The following H1-6 variants were observed in gnomAD, a reference collection of about 807,000 sequenced individuals.
H1-6 encodes H1.6 linker histone, cluster member.
For missense variants in H1-6, 538 were observed against 246.5 expected, an observed-to-expected ratio of 2.18 and a Z score of -7.92; for synonymous variants, 225 against 100.1, an observed-to-expected ratio of 2.25 and a Z score of -7.45.
Position 26,107,792 on chromosome 6 carries a change from C to G in H1-6, c.302G>C (p.Arg101Thr), listed in dbSNP as rs1325634186. 2 of 1,614,206 alleles carry G rather than the reference C, an allele frequency of 1.2e-6. No individual in the cohort carries two copies. The highest frequency in any genetic ancestry group is 1.3e-5 in the African/African-American group (1 of 75,048). The stretch of plus-strand genomic sequence containing the variant: ...AAAGGAACCGGAAGCACCAGTACCC[C>G]TGGTTTGCACCAGGATTCCCTTGTT... ...LVNKGILVQTRGTGASGSFKL... is the reference protein window; with the variant it reads ...LVNKGILVQTTGTGASGSFKL... Residue 101 changes from arginine (R) to threonine (T), a missense_variant, in exon 1 of 1, where the codon AGG becomes ACG. Transcript: ENST00000338379.
At position 26,107,595 on chromosome 6, in the gene H1-6, C is replaced by A. The variant is rs147889373; in HGVS notation, c.499G>T (p.Gly167Trp). The A allele has an allele frequency of 7.4e-6, 12 of 1,614,032 alleles. No homozygotes were observed. Among genetic ancestry groups the A allele is most frequent in the Admixed American group, 1.7e-5 (1 of 60,000 alleles). ...CCCTTGGCTCCTTTAGCCTTTCTCCCGCTCCTAACAGTTTTAGGAGTTGTC... is the reference window on the plus strand; with the variant it reads ...CCCTTGGCTCCTTTAGCCTTTCTCCAGCTCCTAACAGTTTTAGGAGTTGTC... ...RATTPKTVRS[G>W]RKAKGAKGKQ... The change falls in exon 1 of 1, where the codon GGG (glycine) becomes TGG (tryptophan). Residue 167 changes from glycine (G) to tryptophan (W), a missense_variant. Gly to Trp is a radical substitution (Grantham distance 184). Transcript: ENST00000338379.
rs151043274 is a variant in H1-6 at position 26,108,072 on chromosome 6, C to G, written c.22G>C (p.Ala8Pro). The change falls in exon 1 of 1, where the codon GCT becomes CCT. Residue 8 changes from alanine (A) to proline (P), a missense_variant. Coordinates refer to ENST00000338379, the MANE Select transcript of H1-6 (RefSeq NM_005323.4). MSETVPAASASAGVAAME... is the reference protein window; with the variant it reads MSETVPAPSASAGVAAME... ...GCGGCTACACCAGCACTGGCAGAAG[C>G]TGCAGGCACGGTTTCAGACATAACA... 1 of 1,614,098 alleles carries G rather than the reference C, an allele frequency of 6.2e-7. No individual in the cohort carries two copies.
chr6:26,107,551 G>A lies in H1-6; in HGVS notation c.543C>T (p.Ser181=). The change falls in exon 1 of 1, where the codon AGC becomes AGT. Residue 181 remains serine (S), a synonymous_variant. Coordinates refer to ENST00000338379, the MANE Select transcript of H1-6 (RefSeq NM_005323.4). ...ACTTCGAAGCCCTTGCCTTCACTGGGCTCTTCTGCTGTTGCTTACCCTTGG... is the reference window on the plus strand; with the variant it reads ...ACTTCGAAGCCCTTGCCTTCACTGGACTCTTCTGCTGTTGCTTACCCTTGG... ...KGAKGKQQQK[S]PVKARASKSK... is the part of the protein sequence containing the mutation. 3.7e-6 allele frequency: 6 copies of A among 1,613,864 alleles called. No homozygotes were observed. Among genetic ancestry groups the A allele is most frequent in the Non-Finnish European group, 3.4e-6 (4 of 1,179,868 alleles).
In H1-6 at chr6:26,107,745, G is replaced by T. The variant is rs376395612; in HGVS notation, c.349C>A (p.Pro117Thr). Reference protein sequence around the residue: ...GSFKLSKKVIPKSTRSKAKKS... With the variant: ...GSFKLSKKVITKSTRSKAKKS... Reference sequence around the variant, plus strand: ...TTAGCCTTGCTTCTGGTAGATTTAGGAATCACCTTCTTACTAAGCTTAAAG... The same window carrying T: ...TTAGCCTTGCTTCTGGTAGATTTAGTAATCACCTTCTTACTAAGCTTAAAG... Residue 117 changes from proline to threonine, a missense_variant, in exon 1 of 1, where the codon CCT (proline) becomes ACT (threonine). Coordinates refer to ENST00000338379, the MANE Select transcript of H1-6 (RefSeq NM_005323.4). The T allele has an allele frequency of 6.2e-6, 10 of 1,614,176 alleles. No individual in the cohort carries two copies. The highest frequency in any genetic ancestry group is 1.6e-4 in the Middle Eastern group (1 of 6,062).
In H1-6 at chr6:26,107,909, G is replaced by C; in HGVS notation, c.185C>G (p.Ser62Cys). Residue 62 changes from serine to cysteine, a missense_variant, in exon 1 of 1, where the codon TCT (serine) becomes TGT (cysteine). Coordinates refer to ENST00000338379, the MANE Select transcript of H1-6 (RefSeq NM_005323.4). Reference sequence around the variant, plus strand: ...CAATGCCTTCTTGAGCGCAACCAAAGACATACCTACTCGTTCCTGTGACAC... The same window carrying C: ...CAATGCCTTCTTGAGCGCAACCAAACACATACCTACTCGTTCCTGTGACAC... ...LSVSQERVGMSLVALKKALAA... is the reference protein window; with the variant it reads ...LSVSQERVGMCLVALKKALAA... 6.2e-7 allele frequency: 1 copy of C among 1,614,218 alleles called. No homozygotes were observed. Among genetic ancestry groups the C allele is most frequent in the Non-Finnish European group, 8.5e-7 (1 of 1,180,034 alleles).
chr6:26,107,774 C>G lies in H1-6; in HGVS notation c.320G>C (p.Gly107Ala). 6.2e-7 allele frequency: 1 copy of G among 1,614,200 alleles called. No homozygotes were observed. Among genetic ancestry groups the G allele is most frequent in the Non-Finnish European group, 8.5e-7 (1 of 1,180,036 alleles). ...CACCTTCTTACTAAGCTTAAAGGAA[C>G]CGGAAGCACCAGTACCCCTGGTTTG... ...LVQTRGTGAS[G>A]SFKLSKKVIP... The change falls in exon 1 of 1, where the codon GGT becomes GCT. Residue 107 changes from glycine (G) to alanine (A), a missense_variant. Coordinates refer to ENST00000338379, the MANE Select transcript of H1-6 (RefSeq NM_005323.4).
rs886474914 is a variant in H1-6 at position 26,107,512 on chromosome 6, T to C, written c.582A>G (p.Gln194=). ...CCTTTCTAACATTAACTTCATGATG[T>C]TGGGTCAATTTTGACTTCGAAGCCC... ...KARASKSKLT[Q]HHEVNVRKAT... is the part of the protein sequence containing the mutation. The change falls in exon 1 of 1, where the codon CAA becomes CAG. Residue 194 remains glutamine (Q), a synonymous_variant. Transcript: ENST00000338379. 2 of 1,610,132 alleles carry C rather than the reference T, an allele frequency of 1.2e-6. No homozygotes were observed. The highest frequency in any genetic ancestry group is 1.1e-5 in the South Asian group (1 of 90,154).
Position 26,107,604 on chromosome 6 carries a change from C to T in H1-6, c.490G>A (p.Val164Ile), listed in dbSNP as rs148167379. Residue 164 changes from valine (V) to isoleucine (I), a missense_variant, in exon 1 of 1, where the codon GTT becomes ATT. Physicochemically the swap from Val to Ile is conservative, Grantham distance 29. Transcript: ENST00000338379. ...CCTTTAGCCTTTCTCCCGCTCCTAA[C>T]AGTTTTAGGAGTTGTCGCTCTCGGC... ...KKPRATTPKTVRSGRKAKGAK... is the reference protein window; with the variant it reads ...KKPRATTPKTIRSGRKAKGAK... 19 of 1,613,982 alleles carry T rather than the reference C, an allele frequency of 1.2e-5. No individual in the cohort carries two copies. In the African/African-American group the frequency reaches 1.9e-4, roughly 16 times the overall value.
rs1371475045 is a variant in H1-6 at position 26,107,999 on chromosome 6, A to AAGCC, written c.91_94dup (p.Leu32TrpfsTer51). 4 of 1,614,166 alleles carry AAGCC rather than the reference A, an allele frequency of 2.5e-6. No homozygotes were observed. The South Asian group carries it at 3.3e-5, about 13-fold the overall frequency. ...CGGCACTTTGCGACTTGCACTTATCAAGCCAGCCGGCTTCCTCCCTCGCTT... is the reference window on the plus strand; with the variant it reads ...CGGCACTTTGCGACTTGCACTTATCAAGCCAGCCAGCCGGCTTCCTCCCTCGCTT... On this transcript the variant is annotated frameshift_variant, in exon 1 of 1. Coordinates refer to ENST00000338379, the MANE Select transcript of H1-6 (RefSeq NM_005323.4). LOFTEE classifies it low-confidence loss of function (END_TRUNC).
Position 26,107,842 on chromosome 6 carries a change from G to C in H1-6, c.252C>G (p.Ile84Met), listed in dbSNP as rs149227056. The C allele has an allele frequency of 1.2e-6, 2 of 1,614,226 alleles. No individual in the cohort carries two copies. Among genetic ancestry groups the C allele is most frequent in the Non-Finnish European group, 1.7e-6 (2 of 1,180,046 alleles). ...GYDVEKNNSRIKLSLKSLVNK... is the reference protein window; with the variant it reads ...GYDVEKNNSRMKLSLKSLVNK... ...TCACTAAGCTCTTGAGGGACAGTTT[G>C]ATGCGGCTGTTATTCTTCTCTACGT... Residue 84 changes from isoleucine (I) to methionine (M), a missense_variant, in exon 1 of 1, where the codon ATC becomes ATG. Ile to Met is a conservative substitution (Grantham distance 10). Transcript: ENST00000338379.
In H1-6 at chr6:26,107,619, T is replaced by G. The variant is rs1160576575; in HGVS notation, c.475A>C (p.Thr159Pro). ...TNKRAKKPRA[T>P]TPKTVRSGRK... ...CCGCTCCTAACAGTTTTAGGAGTTG[T>G]CGCTCTCGGCTTCTTGGCTCTCTTA... is the stretch of plus-strand genomic sequence containing the variant. The change falls in exon 1 of 1, where the codon ACA (threonine) becomes CCA (proline). Residue 159 changes from threonine to proline, a missense_variant. Physicochemically the swap from Thr to Pro is conservative, Grantham distance 38. Coordinates refer to ENST00000338379, the MANE Select transcript of H1-6 (RefSeq NM_005323.4). The G allele has an allele frequency of 6.2e-7, 1 of 1,614,230 alleles. No individual in the cohort carries two copies. Among genetic ancestry groups the G allele is most frequent in the Admixed American group, 1.7e-5 (1 of 60,024 alleles).
chr6:26,107,916 C>G lies in H1-6; in HGVS notation c.178G>C (p.Gly60Arg). 1 of 1,614,192 alleles carries G rather than the reference C, an allele frequency of 6.2e-7. No homozygotes were observed. Among genetic ancestry groups the G allele is most frequent in the Middle Eastern group, 1.6e-4 (1 of 6,062 alleles). Reference sequence around the variant, plus strand: ...TTCTTGAGCGCAACCAAAGACATACCTACTCGTTCCTGTGACACTGAAAGG... The same window carrying G: ...TTCTTGAGCGCAACCAAAGACATACGTACTCGTTCCTGTGACACTGAAAGG... ...EALSVSQERVGMSLVALKKAL... is the reference protein window; with the variant it reads ...EALSVSQERVRMSLVALKKAL... The change falls in exon 1 of 1, where the codon GGT (glycine) becomes CGT (arginine). Residue 60 changes from glycine to arginine, a missense_variant. By Grantham distance (125) the Gly-to-Arg change is moderately radical. Transcript: ENST00000338379.
rs139123355 is a variant in H1-6, at chr6:26,107,555, T to C, written c.539A>G (p.Lys180Arg). 1.2e-5 allele frequency: 20 copies of C among 1,613,980 alleles called. No homozygotes were observed. The African/African-American group carries it at 2.4e-4, about 19-fold the overall frequency. ...AKGAKGKQQQ[K>R]SPVKARASKS... is the part of the protein sequence containing the mutation. Reference sequence around the variant, plus strand: ...CGAAGCCCTTGCCTTCACTGGGCTCTTCTGCTGTTGCTTACCCTTGGCTCC... The same window carrying C: ...CGAAGCCCTTGCCTTCACTGGGCTCCTCTGCTGTTGCTTACCCTTGGCTCC... Residue 180 changes from lysine to arginine, a missense_variant, in exon 1 of 1, where the codon AAG (lysine) becomes AGG (arginine). Transcript: ENST00000338379.
In H1-6 at chr6:26,107,968, G is replaced by A. The variant is rs138076260; in HGVS notation, c.126C>T (p.Leu42=). 6.9e-5 allele frequency: 112 copies of A among 1,614,068 alleles called. No homozygotes were observed. Among genetic ancestry groups the A allele is most frequent in the Non-Finnish European group, 7.7e-5 (91 of 1,180,026 alleles). ...CCTCGGTGATCAACTTGGACACAGA[G>A]AGGTTCGGCACTTTGCGACTTGCAC... ...LISASRKVPN[L]SVSKLITEAL... is the part of the protein sequence containing the mutation. The change falls in exon 1 of 1, where the codon CTC becomes CTT. Residue 42 remains leucine (L), a synonymous_variant. Transcript: ENST00000338379.
chr6:26,107,423 T>G lies in H1-6; in HGVS notation c.*47A>C. The G allele has an allele frequency of 1.3e-6, 2 of 1,521,520 alleles. No individual in the cohort carries two copies. Among genetic ancestry groups the G allele is most frequent in the Non-Finnish European group, 1.8e-6 (2 of 1,133,894 alleles). 94.3% of individuals were successfully genotyped at this position (1,521,520 alleles called of 1,614,324 possible). The stretch of plus-strand genomic sequence containing the variant: ...ATCTTAAAATAATGTGGGTGGCTCT[T>G]AAAAGAGCCTTTGGGTTCTTTCCAA... On this transcript the variant is annotated 3_prime_UTR_variant, in exon 1 of 1. Transcript: ENST00000338379.
rs780858653 is a variant in H1-6, at chr6:26,107,712, C to T, written c.382G>A (p.Val128Ile). The T allele has an allele frequency of 3.1e-6, 5 of 1,614,172 alleles. No individual in the cohort carries two copies. The highest frequency in any genetic ancestry group is 3.4e-6 in the Non-Finnish European group (4 of 1,180,034). The part of the protein sequence containing the change: ...KSTRSKAKKS[V>I]SAKTKKLVLS... ...ACCAGCTTCTTGGTCTTGGCAGAAACTGACTTTTTAGCCTTGCTTCTGGTA... is the reference window on the plus strand; with the variant it reads ...ACCAGCTTCTTGGTCTTGGCAGAAATTGACTTTTTAGCCTTGCTTCTGGTA... Residue 128 changes from valine to isoleucine, a missense_variant, in exon 1 of 1, where the codon GTT becomes ATT. By Grantham distance (29) the Val-to-Ile change is conservative. Coordinates refer to ENST00000338379, the MANE Select transcript of H1-6 (RefSeq NM_005323.4).
rs150570103 is a variant in H1-6 at position 26,107,744 on chromosome 6, G to C, written c.350C>G (p.Pro117Arg). The C allele has an allele frequency of 1.4e-4, 226 of 1,614,200 alleles. 4 individuals are homozygous for C. The Middle Eastern group carries it at 8.1e-3, about 58-fold the overall frequency. Residue 117 changes from proline to arginine, a missense_variant, in exon 1 of 1, where the codon CCT becomes CGT. By Grantham distance (103) the Pro-to-Arg change is moderately radical. Coordinates refer to ENST00000338379, the MANE Select transcript of H1-6 (RefSeq NM_005323.4). ...TTTAGCCTTGCTTCTGGTAGATTTA[G>C]GAATCACCTTCTTACTAAGCTTAAA... ...GSFKLSKKVI[P>R]KSTRSKAKKS...
At position 26,107,840 on chromosome 6, in the gene H1-6, T is replaced by A; in HGVS notation, c.254A>T (p.Lys85Ile). The A allele has an allele frequency of 1.9e-6, 3 of 1,614,252 alleles. No individual in the cohort carries two copies. Among genetic ancestry groups the A allele is most frequent in the Non-Finnish European group, 2.5e-6 (3 of 1,180,048 alleles). ...YDVEKNNSRI[K>I]LSLKSLVNKG... ...GTTCACTAAGCTCTTGAGGGACAGT[T>A]TGATGCGGCTGTTATTCTTCTCTAC... Residue 85 changes from lysine to isoleucine, a missense_variant, in exon 1 of 1, where the codon AAA becomes ATA. Transcript: ENST00000338379.
At position 26,108,135 on chromosome 6, in the gene H1-6, T is replaced by G. The variant is rs186755106; in HGVS notation, c.-42A>C. 2.5e-4 allele frequency: 406 copies of G among 1,597,192 alleles called. 2 individuals are homozygous for G. In the African/African-American group the frequency reaches 5.2e-3, roughly 20 times the overall value. On this transcript the variant is annotated 5_prime_UTR_variant, in exon 1 of 1. An upstream start codon of the reference 5' UTR is lost. Coordinates refer to ENST00000338379, the MANE Select transcript of H1-6 (RefSeq NM_005323.4). ...AAGATGTAATAACCAGCGAAAAGCA[T>G]GAAACACCCGGGCGGCCTCGGGGCC...
Sources: gnomAD v4.1 joint callset for allele counts on GRCh38, gnomAD v4.1.1 for gene constraint, MANE v1.5 for transcripts, NCBI Gene and HGNC (gene_info 2026-07-23, HGNC 2026-07-21) for gene names.